ARK2C: variants seen among roughly 807,000 people sequenced by gnomAD.
The protein encoded by ARK2C is arkadia (RNF111) C-terminal like ring finger ubiquitin ligase 2C.
the ARK2C span, among the ~76,000 whole-genome samples, chr18:46,339,245 T>G: frequency 1.3e-5 from 2 of 152,214 alleles, no homozygotes; most frequent in Non-Finnish European, 2.9e-5. Context: ...CTGAATTGAG[T>G]GATCACTCTC....
chr18:46,395,616 C>A, the ARK2C span, among the ~76,000 whole-genome samples: 45 of 152,250 alleles, frequency 3.0e-4, no homozygotes, highest in East Asian at 7.5e-3. Context: ...CTGTATGGCC[C>A]CAAAGTCCGG....
chr18:46,341,803 G>A, the ARK2C span, among the ~76,000 whole-genome samples: 1 of 152,192 alleles, frequency 6.6e-6, no homozygotes, highest in Non-Finnish European at 1.5e-5. Flanking sequence ...TCCCGGAGTT[G>A]TACCAATCAG....
chr18:46,416,272 G>C, the ARK2C span, among the ~76,000 whole-genome samples: 8 of 152,126 alleles, frequency 5.3e-5, no homozygotes, highest in African/African-American at 1.9e-4. Context: ...GAGGGAGGAG[G>C]CATTTAAAGC....
the ARK2C span, among the ~76,000 whole-genome samples, chr18:46,423,967 T>C: frequency 6.6e-6 from 1 of 152,238 alleles, no homozygotes; most frequent in Non-Finnish European, 1.5e-5. Flanking sequence ...CAGTATCTCA[T>C]TATCCTCCTG....
the ARK2C span, among the ~76,000 whole-genome samples, chr18:46,364,868 G>C: frequency 6.6e-6 from 1 of 152,098 alleles, no homozygotes; most frequent in African/African-American, 2.4e-5. Context: ...CTCAGCAGGC[G>C]GCTGACTCTG....
the ARK2C span, among the ~76,000 whole-genome samples, chr18:46,445,476 A>G: frequency 6.6e-6 from 1 of 152,164 alleles, no homozygotes; most frequent in East Asian, 1.9e-4. Context: ...ATTTCACCCC[A>G]TGTATGCAGA....
At chr18:46,454,900 G>A in the ARK2C span, among the ~76,000 whole-genome samples, 2 of 152,186 alleles carry the variant, frequency 1.3e-5, no homozygotes, top group Admixed American at 1.3e-4. Context: ...GTACTAATAC[G>A]CCTTGTAAGT....
chr18:46,370,851 G>T, the ARK2C span, among the ~76,000 whole-genome samples: 1 of 152,182 alleles, frequency 6.6e-6, no homozygotes, highest in Non-Finnish European at 1.5e-5. Flanking sequence ...GGGGCGTGAG[G>T]TCAGCATGAG....
At chr18:46,425,342 C>G in the ARK2C span, among the ~76,000 whole-genome samples, 2 of 152,250 alleles carry the variant, frequency 1.3e-5, no homozygotes, top group Admixed American at 1.3e-4. Context: ...CTGGGCAGAC[C>G]TGTGCTTGAA....
the ARK2C span, chr18:46,337,732 C>A: frequency 4.5e-6 from 2 of 442,104 alleles, no homozygotes; most frequent in Non-Finnish European, 6.0e-6. Flanking sequence ...GCTTTTCTAT[C>A]CCCACCCTCA....
chr18:46,354,858 G>A, the ARK2C span, among the ~76,000 whole-genome samples: 1 of 152,120 alleles, frequency 6.6e-6, no homozygotes. Context: ...TAAATCTATT[G>A]ACTCTTTAAA....
the ARK2C span, chr18:46,456,176 C>T: frequency 2.2e-5 from 17 of 787,306 alleles, no homozygotes; most frequent in Non-Finnish European, 3.0e-5. Flanking sequence ...TGCTTGTTTG[C>T]TTGTGCACGT....
chr18:46,334,591 G>C, the ARK2C span: 2 of 488,554 alleles, frequency 4.1e-6, no homozygotes, highest in South Asian at 3.3e-5. This position sits in a 1 kb window ranked among gnomAD's most constrained non-coding sequence, Gnocchi z 4.4. Flanking sequence ...TATTTTTTGC[G>C]GCGGACGTGG....
chr18:46,393,224 G>A, the ARK2C span, among the ~76,000 whole-genome samples: 170 of 152,308 alleles, frequency 1.1e-3, no homozygotes, highest in African/African-American at 3.8e-3. Context: ...TTGCCAAGAG[G>A]TTATGACCAC....
At chr18:46,365,498 A>AT in the ARK2C span, among the ~76,000 whole-genome samples, 43 of 151,430 alleles carry the variant, frequency 2.8e-4, no homozygotes, top group Non-Finnish European at 4.4e-4. Flanking sequence ...GTGATCTTGA[A>AT]TTTTTTTTTG....
chr18:46,439,139 C>T, the ARK2C span, among the ~76,000 whole-genome samples: 1 of 152,222 alleles, frequency 6.6e-6, no homozygotes, highest in Non-Finnish European at 1.5e-5. Context: ...CCATCAGAGA[C>T]CATCAGAGAG....
chr18:46,383,847 G>C, the ARK2C span, among the ~76,000 whole-genome samples: 74 of 152,134 alleles, frequency 4.9e-4, no homozygotes, highest in Admixed American at 4.7e-3. Flanking sequence ...CACCGCGCCC[G>C]GCCACCATGT....
chr18:46,414,036 G>T, the ARK2C span, among the ~76,000 whole-genome samples: 1 of 152,204 alleles, frequency 6.6e-6, no homozygotes, highest in Non-Finnish European at 1.5e-5. Flanking sequence ...GGCCTCATTT[G>T]TGTAGGGTGC....
chr18:46,433,452 C>A, the ARK2C span: 1 of 1,612,968 alleles, frequency 6.2e-7, no homozygotes, highest in South Asian at 1.1e-5. Flanking sequence ...AGCAATACCT[C>A]CTGCAGCAGC....
Sources: allele counts gnomAD v4.1 joint callset (sites outside exome capture counted in the v4.1 genomes callset), GRCh38; gene constraint gnomAD v4.1.1; non-coding constraint Gnocchi (gnomAD v3.1); transcripts MANE v1.5; gene names NCBI Gene and HGNC (gene_info 2026-07-23, HGNC 2026-07-21).